ZC3HC1: variants seen among roughly 807,000 people sequenced by gnomAD.
The protein encoded by ZC3HC1 is zinc finger C3HC-type protein 1.
In ZC3HC1, 38 loss-of-function variants were observed where a neutral mutation model predicts 61.9. The observed-to-expected ratio is 0.61, with a 90% CI of 0.47 to 0.81. The LOEUF (loss-of-function observed/expected upper bound fraction) is 0.81. ZC3HC1 is among the 30% of genes least tolerant of loss of function. The probability of loss-of-function intolerance (pLI) is 0.00; values close to 1 mark genes in which losing one functional copy is unlikely to be tolerated. For missense variants in ZC3HC1, 554 were observed against 622.7 expected, an observed-to-expected ratio of 0.89 and a Z score of 1.17; for synonymous variants, 213 against 229.9, an observed-to-expected ratio of 0.93 and a Z score of 0.67.
At chr7:130,049,751 C>G (rs1309327984) in intron 1 of ZC3HC1, among the ~76,000 whole-genome samples, 1 of 151,950 alleles carries the variant, frequency 6.6e-6, no homozygotes, top group Non-Finnish European at 1.5e-5. Context: ...GGGGTTTCAC[C>G]ATGTTGGTCA....
intron 6 of ZC3HC1, 137 bp from the exon 7 acceptor site, chr7:130,024,643 G>A (rs899797067): frequency 6.1e-6 from 6 of 982,578 alleles, no homozygotes; most frequent in Admixed American, 6.0e-5. Flanking sequence ...CTGTGCTCCA[G>A]TCTCAGGACC....
At chr7:130,028,619 T>C (rs1584570390) in intron 5 of ZC3HC1, among the ~76,000 whole-genome samples, 1 of 152,118 alleles carries the variant, frequency 6.6e-6, no homozygotes, top group East Asian at 1.9e-4. Flanking sequence ...CAGGGCAAAC[T>C]TGAATCTATG....
chr7:130,031,843 C>T (rs933244841), intron 4 of ZC3HC1, among the ~76,000 whole-genome samples: 1 of 152,106 alleles, frequency 6.6e-6, no homozygotes, highest in African/African-American at 2.4e-5. Context: ...AAGGTGTGCT[C>T]CCCCCACCAC....
intron 2 of ZC3HC1, chr7:130,045,537 G>GA (rs1794829501): frequency 4.4e-6 from 2 of 457,328 alleles, no homozygotes; most frequent in African/African-American, 4.0e-5. Flanking sequence ...CATTTTCAGT[G>GA]GAAAACAAGT....
chr7:130,020,215 G>A (rs1450591231), intron 9 of ZC3HC1, among the ~76,000 whole-genome samples: 12 of 151,372 alleles, frequency 7.9e-5, no homozygotes, highest in Non-Finnish European at 1.3e-4. Flanking sequence ...GGGAAATTTA[G>A]TTAATAGAGT....
intron 4 of ZC3HC1, among the ~76,000 whole-genome samples, chr7:130,032,721 A>AGGGAG (rs1263668672): frequency 5.4e-5 from 3 of 55,968 alleles, no homozygotes; most frequent in Non-Finnish European, 7.0e-5. Flanking sequence ...AAGGAAGGGA[A>AGGGAG]GGAGGGAGGG....
At chr7:130,047,253 G>A (rs934898413) in intron 2 of ZC3HC1, among the ~76,000 whole-genome samples, 3 of 152,048 alleles carry the variant, frequency 2.0e-5, no homozygotes, top group Non-Finnish European at 2.9e-5. Flanking sequence ...AAGCCACCAC[G>A]CCCGGCCTAA....
At chr7:130,041,174 G>A in intron 2 of ZC3HC1, 73 bp from the exon 3 acceptor site, 1 of 1,464,832 alleles carries the variant, frequency 6.8e-7, no homozygotes, top group Non-Finnish European at 9.1e-7. Context: ...GTGTGTGTGT[G>A]TGTATACACA....
Position 130,041,051 on chromosome 7 carries a change from T to C in ZC3HC1, c.309A>G (p.Ala103=). 3 of 1,614,066 alleles carry C rather than the reference T, an allele frequency of 1.9e-6. No homozygotes were observed. The highest frequency in any genetic ancestry group is 2.5e-6 in the Non-Finnish European group (3 of 1,180,018). The change falls in exon 3 of 10, where the codon GCA becomes GCG. Residue 103 remains alanine, a synonymous_variant. Transcript: ENST00000358303. ...ATTCCACTGTGACCCAGCCATATTTTGCACAGACGAGTGGAGACAGCTCAA... is the reference window on the plus strand; with the variant it reads ...ATTCCACTGTGACCCAGCCATATTTCGCACAGACGAGTGGAGACAGCTCAA... ...KPFELSPLVC[A]KYGWVTVECD...
intron 1 of ZC3HC1, chr7:130,050,427 A>G: frequency 6.5e-7 from 1 of 1,533,708 alleles, no homozygotes; most frequent in South Asian, 1.2e-5. Flanking sequence ...TTATAGCTCA[A>G]AAGAAATAAA....
intron 4 of ZC3HC1, among the ~76,000 whole-genome samples, chr7:130,033,445 C>CTTTTTTTTTTTTTT (rs3043729): frequency 2.4e-5 from 2 of 82,852 alleles, no homozygotes; most frequent in African/African-American, 1.0e-4. Flanking sequence ...CTATAGCATT[C>CTTTTTTTTTTTTTT]TTTTTTTTTT....
intron 4 of ZC3HC1, among the ~76,000 whole-genome samples, chr7:130,037,387 T>C (rs1381257238): frequency 6.6e-6 from 1 of 152,156 alleles, no homozygotes; most frequent in Non-Finnish European, 1.5e-5. Flanking sequence ...GAGGTTGCAG[T>C]GAGCCTAGAC....
At chr7:130,019,313 T>C (rs986427145) in intron 9 of ZC3HC1, among the ~76,000 whole-genome samples, 1 of 152,150 alleles carries the variant, frequency 6.6e-6, no homozygotes, top group African/African-American at 2.4e-5. Flanking sequence ...CCTCCCAAAG[T>C]GCTGGGATTA....
chr7:130,031,523 G>C lies in ZC3HC1; in HGVS notation c.494-2494C>G, dbSNP rs1794194771. Among the ~76,000 whole-genome samples the C allele has an allele frequency of 1.3e-5, 2 of 152,076 alleles. 1 individual carries two copies. Among genetic ancestry groups the C allele is most frequent in the South Asian group, 4.1e-4 (2 of 4,830 alleles). On this transcript the variant is annotated intron_variant, in intron 4 of 9. Transcript: ENST00000358303. ...GTGAGAACACCCTTTTCCCCAGACAGGTTTTCAAAAATGATCATTGGCAAC... is the reference window on the plus strand; with the variant it reads ...GTGAGAACACCCTTTTCCCCAGACACGTTTTCAAAAATGATCATTGGCAAC...
At chr7:130,020,440 T>G (rs1420336421) in intron 9 of ZC3HC1, among the ~76,000 whole-genome samples, 2 of 151,956 alleles carry the variant, frequency 1.3e-5, no homozygotes, top group Non-Finnish European at 2.9e-5. Context: ...TTTTGTATTT[T>G]CAGTAGAGAT....
chr7:130,038,580 C>T (rs566931868), intron 4 of ZC3HC1, among the ~76,000 whole-genome samples: 3 of 152,198 alleles, frequency 2.0e-5, no homozygotes, highest in East Asian at 1.9e-4. Context: ...GGGTTATGGC[C>T]GGGCACAGTG....
intron 2 of ZC3HC1, among the ~76,000 whole-genome samples, chr7:130,046,606 C>CAA (rs796432440): frequency 1.0e-5 from 1 of 98,500 alleles, no homozygotes; most frequent in Non-Finnish European, 2.1e-5. Context: ...GACTCCATCT[C>CAA]AAAAAAAAAA....
At chr7:130,045,932 G>T (rs1794847867) in intron 2 of ZC3HC1, among the ~76,000 whole-genome samples, 1 of 150,540 alleles carries the variant, frequency 6.6e-6, no homozygotes, top group Non-Finnish European at 1.5e-5. Flanking sequence ...GGCTTAAGAT[G>T]GATGTTTGAG....
In ZC3HC1 at chr7:130,018,483, C is replaced by T. The variant is rs569888489; in HGVS notation, c.*181G>A. The T allele has an allele frequency of 6.8e-5, 38 of 556,460 alleles. No homozygotes were observed. The highest frequency in any genetic ancestry group is 4.1e-4 in the African/African-American group (22 of 53,696). The allele number at this position is 556,460 out of a possible 1,614,324, so 34.5% of individuals were successfully genotyped here. On this transcript the variant is annotated 3_prime_UTR_variant, in exon 10 of 10. Transcript: ENST00000358303. ...CCCTGTCCACATCCCTGAAAGGAAACGGGTCTCTCTCAGCCAGATGCAGAT... is the reference window on the plus strand; with the variant it reads ...CCCTGTCCACATCCCTGAAAGGAAATGGGTCTCTCTCAGCCAGATGCAGAT...
Sources: gnomAD v4.1 joint callset for allele counts (sites outside exome capture counted in the v4.1 genomes callset) on GRCh38, gnomAD v4.1.1 for gene constraint, MANE v1.5 for transcripts, NCBI Gene and HGNC (gene_info 2026-07-23, HGNC 2026-07-21) for gene names.